The following CLK1 variants were observed in gnomAD, a reference collection of about 807,000 sequenced individuals.
The protein encoded by CLK1 is CDC like kinase 1.
CLK1 carries 40 observed loss-of-function variants against 60.9 expected under a neutral mutation model. That is an observed-to-expected ratio of 0.66 (90% CI 0.51 to 0.86). The LOEUF is 0.86. Ranked by LOEUF, CLK1 falls within the 40% of genes least tolerant of loss-of-function variation. The probability of loss-of-function intolerance (pLI) is 0.00; values close to 1 mark genes in which losing one functional copy is unlikely to be tolerated. For missense variants in CLK1, 563 were observed against 606.1 expected (o/e 0.93, Z 0.75); for synonymous variants, 203 against 184.4 (o/e 1.10, Z -0.82).
intron 1 of CLK1, among the ~76,000 whole-genome samples, chr2:200,863,747 C>A (rs1365570840): frequency 1.3e-5 from 2 of 151,924 alleles, no homozygotes; most frequent in East Asian, 3.9e-4. Context: ...CCAGCTATCC[C>A]GGAGGCTGAA....
chr2:200,861,489 C>T (rs1575080972), intron 2 of CLK1, 23 bp from the exon 3 acceptor site: 2 of 1,609,336 alleles, frequency 1.2e-6, no homozygotes, highest in South Asian at 2.2e-5. Context: ...AAATTATTTT[C>T]AATGTTTTAT....
chr2:200,853,296 A>G lies in CLK1; in HGVS notation c.*10T>C. On this transcript the variant is annotated 3_prime_UTR_variant, in exon 13 of 13. Transcript: ENST00000321356. ...TAAGATCTCTTCGAGAGAGCTGTCCAATTACAGATCTATATACTTTTCTTC... is the reference window on the plus strand; with the variant it reads ...TAAGATCTCTTCGAGAGAGCTGTCCGATTACAGATCTATATACTTTTCTTC... 1 of 1,593,590 alleles carries G rather than the reference A, an allele frequency of 6.3e-7. No individual in the cohort carries two copies. The highest frequency in any genetic ancestry group is 8.5e-7 in the Non-Finnish European group (1 of 1,170,766).
chr2:200,859,176 T>C (rs2039094542), intron 5 of CLK1, among the ~76,000 whole-genome samples: 1 of 151,898 alleles, frequency 6.6e-6, no homozygotes, highest in African/African-American at 2.4e-5. Context: ...AGCGAGACTC[T>C]GTCTCGAGAA....
At position 200,853,401 on chromosome 2, in the gene CLK1, T is replaced by G; in HGVS notation, c.1360A>C (p.Ile454Leu). ...GGATCATACTCCAACATTTTCTGAA[T>G]GAGGTCAAAGAGACGCTCATGTTCA... ...DVEHERLFDL[I>L]QKMLEYDPAK... Residue 454 changes from isoleucine to leucine, a missense_variant, in exon 13 of 13, where the codon ATT becomes CTT. This residue lies in a region of CLK1 where 360 missense variants were observed against 407.0 expected (regional missense o/e 0.88). Transcript: ENST00000321356. The G allele has an allele frequency of 1.2e-6, 2 of 1,613,446 alleles. No homozygotes were observed. Among genetic ancestry groups the G allele is most frequent in the Non-Finnish European group, 1.7e-6 (2 of 1,179,778 alleles).
chr2:200,864,367 G>T, intron 1 of CLK1, 197 bp downstream of exon 1: 1 of 1,195,044 alleles, frequency 8.4e-7, no homozygotes, highest in Non-Finnish European at 1.1e-6. Context: ...CCGCAGGCCG[G>T]ATCCGGCGGC....
chr2:200,861,188 T>C (rs1406667135), intron 3 of CLK1, 50 bp downstream of exon 3: 1 of 1,576,008 alleles, frequency 6.3e-7, no homozygotes, highest in Non-Finnish European at 8.6e-7. Context: ...CAAGTTTCCC[T>C]GTTCCACATG....
Position 200,861,429 on chromosome 2 carries a change from A to C in CLK1, c.199T>G (p.Tyr67Asp). ...LESRSINEKD[Y>D]HSRRYIDEYR... ...TCATCAATGTAGCGTCGACTATGAT[A>C]ATCTTTCTCATTTATAGACCTGCTT... Residue 67 changes from tyrosine (Y) to aspartate (D), a missense_variant, in exon 3 of 13, where the codon TAT (tyrosine) becomes GAT (aspartate). By Grantham distance (160) the Tyr-to-Asp change is radical. Transcript: ENST00000321356. The C allele has an allele frequency of 1.9e-6, 3 of 1,614,008 alleles. No homozygotes were observed. The highest frequency in any genetic ancestry group is 1.7e-6 in the Non-Finnish European group (2 of 1,179,988).
In CLK1 at chr2:200,853,509, T is replaced by G. The variant is rs1005227467; in HGVS notation, c.1312-60A>C. 6 of 1,423,596 alleles carry G rather than the reference T, an allele frequency of 4.2e-6. No homozygotes were observed. In the African/African-American group the frequency reaches 7.1e-5, roughly 17 times the overall value. 88.2% of individuals were successfully genotyped at this position (1,423,596 alleles called of 1,614,324 possible). A position where few individuals can be genotyped will look rare whatever the true frequency, so the allele number is the denominator to read the frequency against. On this transcript the variant is annotated intron_variant, in intron 12 of 12. Coordinates refer to ENST00000321356, the MANE Select transcript of CLK1 (RefSeq NM_004071.4). ...TTCCACTACCATTGACTACACTATG[T>G]AACAGTATAGTAAACCATATATATA...
At position 200,857,870 on chromosome 2, in the gene CLK1, A is replaced by T. The variant is rs752291293; in HGVS notation, c.680T>A (p.Met227Lys). 5 of 1,613,202 alleles carry T rather than the reference A, an allele frequency of 3.1e-6. No homozygotes were observed. The African/African-American group carries it at 6.7e-5, about 22-fold the overall frequency. The change falls in exon 7 of 13, where the codon ATG (methionine) becomes AAG (lysine). Residue 227 changes from methionine (M) to lysine (K), a missense_variant. Transcript: ENST00000321356. Reference sequence around the variant, plus strand: ...ACCATGATGCTCAAACCATTCCAACATCTGGACACAGCGGCTACAAACACA... The same window carrying T: ...ACCATGATGCTCAAACCATTCCAACTTCTGGACACAGCGGCTACAAACACA... ...DPNSTFRCVQMLEWFEHHGHI... is the reference protein window; with the variant it reads ...DPNSTFRCVQKLEWFEHHGHI...
intron 1 of CLK1, among the ~76,000 whole-genome samples, chr2:200,862,955 T>C (rs2039165277): frequency 6.6e-6 from 1 of 152,224 alleles, no homozygotes; most frequent in East Asian, 1.9e-4. Context: ...TACAACATAA[T>C]TTATCCTAAA....
chr2:200,855,193 A>T, intron 9 of CLK1, 107 bp from the exon 10 acceptor site: 1 of 809,784 alleles, frequency 1.2e-6, no homozygotes, highest in Non-Finnish European at 1.9e-6. Context: ...CATGTAATGT[A>T]GGCTGGGCAC....
intron 7 of CLK1, 41 bp from the exon 8 acceptor site, chr2:200,857,026 A>C (rs748933976): frequency 5.9e-6 from 9 of 1,516,194 alleles, no homozygotes; most frequent in Admixed American, 1.7e-5. Flanking sequence ...GAAAACACCA[A>C]ACCAAACCAA....
intron 3 of CLK1, 52 bp from the exon 4 acceptor site, chr2:200,860,267 C>T: frequency 1.2e-6 from 2 of 1,611,638 alleles, no homozygotes; most frequent in Non-Finnish European, 1.7e-6. Context: ...TCAATATACC[C>T]GAGTGAATTC....
rs2039141950 is a variant in CLK1, at chr2:200,861,747, T to C, written c.116A>G (p.Gln39Arg). The stretch of plus-strand genomic sequence containing the variant: ...ATTGTATTTGCAGCGCTTGTTCTCC[T>C]GGGCACTGCTATGTGATCTCTTCCT... ...KRRKRSHSSA[Q>R]ENKRCKYNHS... Residue 39 changes from glutamine (Q) to arginine (R), a missense_variant, in exon 2 of 13, where the codon CAG becomes CGG. Physicochemically the swap from Gln to Arg is conservative, Grantham distance 43. Coordinates refer to ENST00000321356, the MANE Select transcript of CLK1 (RefSeq NM_004071.4). The C allele has an allele frequency of 1.9e-6, 3 of 1,614,052 alleles. No homozygotes were observed. The highest frequency in any genetic ancestry group is 1.3e-5 in the African/African-American group (1 of 74,936).
intron 4 of CLK1, 140 bp downstream of exon 4, chr2:200,859,985 C>A (rs1346741669): frequency 1.4e-6 from 2 of 1,427,508 alleles, no homozygotes; most frequent in Non-Finnish European, 9.2e-7. Context: ...AAAATACAAT[C>A]CCCCCCACCA....
chr2:200,857,132 C>G (rs531832239), intron 7 of CLK1, 147 bp from the exon 8 acceptor site: 1 of 635,094 alleles, frequency 1.6e-6, no homozygotes, highest in Non-Finnish European at 2.7e-6. Flanking sequence ...ATGGTGAAAC[C>G]CTGTCTCTAC....
intron 11 of CLK1, 153 bp from the exon 12 acceptor site, chr2:200,854,146 A>G: frequency 1.9e-6 from 1 of 530,554 alleles, no homozygotes. Context: ...CACCAAGGTA[A>G]TCTACTATTT....
At chr2:200,855,620 GCC>G (rs34317941) in intron 9 of CLK1, among the ~76,000 whole-genome samples, 14 of 147,676 alleles carry the variant, frequency 9.5e-5, no homozygotes, top group South Asian at 4.3e-4. Context: ...GCAAGACTCC[GCC>G]CCCCCCCCAA....
At chr2:200,858,642 A>C (rs2105738523) in intron 5 of CLK1, among the ~76,000 whole-genome samples, 1 of 152,182 alleles carries the variant, frequency 6.6e-6, no homozygotes, top group South Asian at 2.1e-4. Context: ...GGTTGCAGTG[A>C]GCCAAGATTG....
Sources: allele counts gnomAD v4.1 joint callset (sites outside exome capture counted in the v4.1 genomes callset), GRCh38; gene constraint gnomAD v4.1.1; regional missense constraint gnomAD v4.1.1; transcripts MANE v1.5; gene names NCBI Gene and HGNC (gene_info 2026-07-23, HGNC 2026-07-21).